The following GPR4 variants were observed in gnomAD, a reference collection of about 807,000 sequenced individuals.
GPR4 encodes G protein-coupled receptor 4.
A neutral mutation model predicts 17.8 loss-of-function variants in GPR4; 11 were observed. That is an observed-to-expected ratio of 0.62 (90% CI 0.39 to 1.02). The LOEUF is 1.02. Among genes scored for constraint, GPR4 ranks in the 50% least tolerant of loss-of-function variants. GPR4 has a pLI of 0.00. For missense variants in GPR4, 364 were observed against 495.4 expected, an observed-to-expected ratio of 0.73 and a Z score of 2.52; for synonymous variants, 219 against 222.8, an observed-to-expected ratio of 0.98 and a Z score of 0.15.
chr19:45,591,361 A>G lies in GPR4; in HGVS notation c.506T>C (p.Phe169Ser). Reference sequence around the variant, plus strand: ...CCAGCCTTCCATGGGGAACTTCTCAAAGCAGAAGGTGTGGTTGTAGCGGTC... The same window carrying G: ...CCAGCCTTCCATGGGGAACTTCTCAGAGCAGAAGGTGTGGTTGTAGCGGTC... ...FRDRYNHTFC[F>S]EKFPMEGWVA... The change falls in exon 2 of 2, where the codon TTT (phenylalanine) becomes TCT (serine). Residue 169 changes from phenylalanine to serine, a missense_variant. Around this residue, in one of 3 missense-constraint regions of GPR4, gnomAD observed 271 missense variants for 373.1 expected, o/e 0.73. Transcript: ENST00000323040. The surrounding 1 kb of genome is among the most constrained non-coding windows in gnomAD (Gnocchi z 7.6). The G allele has an allele frequency of 6.2e-7, 1 of 1,613,372 alleles. No homozygotes were observed. The highest frequency in any genetic ancestry group is 8.5e-7 in the Non-Finnish European group (1 of 1,179,910).
intron 1 of GPR4, among the ~76,000 whole-genome samples, chr19:45,599,074 G>C (rs1400736823): frequency 6.6e-6 from 1 of 152,124 alleles, no homozygotes; most frequent in Non-Finnish European, 1.5e-5. Flanking sequence ...ACATCCACAA[G>C]AAGCTCCCCC....
At position 45,591,153 on chromosome 19, in the gene GPR4, C is replaced by T; in HGVS notation, c.714G>A (p.Ala238=). The part of the protein sequence containing the change: ...SLIAIVLVCF[A]PYHVLLLSRS... ...GGGACAGCAAGAGCACGTGATAGGGCGCAAAGCAGACCAGCACGATGGCGA... is the reference window on the plus strand; with the variant it reads ...GGGACAGCAAGAGCACGTGATAGGGTGCAAAGCAGACCAGCACGATGGCGA... The change falls in exon 2 of 2, where the codon GCG becomes GCA. Residue 238 remains alanine (A), a synonymous_variant. Coordinates refer to ENST00000323040, the MANE Select transcript of GPR4 (RefSeq NM_005282.3). The surrounding 1 kb of genome is among the most constrained non-coding windows in gnomAD (Gnocchi z 7.6). The T allele has an allele frequency of 1.9e-6, 3 of 1,613,690 alleles. No individual in the cohort carries two copies. The highest frequency in any genetic ancestry group is 1.7e-6 in the Non-Finnish European group (2 of 1,179,996).
At chr19:45,597,744 T>C (rs1319243498) in intron 1 of GPR4, among the ~76,000 whole-genome samples, 2 of 151,520 alleles carry the variant, frequency 1.3e-5, no homozygotes, top group Non-Finnish European at 1.5e-5. Context: ...AACAAGGGCA[T>C]GGGGAGGAGG....
chr19:45,592,540 G>C lies in GPR4; in HGVS notation c.-674C>G, dbSNP rs995044783. 5.4e-5 allele frequency: 9 copies of C among 167,370 alleles called. No individual in the cohort carries two copies. The highest frequency in any genetic ancestry group is 3.1e-3 in the Middle Eastern group (1 of 318). 10.4% of individuals were successfully genotyped at this position (167,370 alleles called of 1,614,324 possible). Reference sequence around the variant, plus strand: ...GGCTCGGTCTGTGGACGGCAGGAAGGAGTCTTAGGAAACAGGAAGGAGGTG... The same window carrying C: ...GGCTCGGTCTGTGGACGGCAGGAAGCAGTCTTAGGAAACAGGAAGGAGGTG... On this transcript the variant is annotated 5_prime_UTR_variant, in exon 2 of 2. Coordinates refer to ENST00000323040, the MANE Select transcript of GPR4 (RefSeq NM_005282.3).
At chr19:45,600,071 C>G (rs977192798) in intron 1 of GPR4, among the ~76,000 whole-genome samples, 2 of 152,144 alleles carry the variant, frequency 1.3e-5, no homozygotes, top group African/African-American at 4.8e-5. Context: ...TTTGAACATT[C>G]CAGCAGCCTG....
chr19:45,600,467 A>T (rs77825238), intron 1 of GPR4, among the ~76,000 whole-genome samples: 5,172 of 152,084 alleles, frequency 0.034, 291 homozygotes, highest in African/African-American at 0.12. Context: ...TGGTTTTGGA[A>T]ATATTTTCTC....
Position 45,590,858 on chromosome 19 carries a change from C to G in GPR4, c.1009G>C (p.Ala337Pro), listed in dbSNP as rs759269013. The G allele has an allele frequency of 6.2e-7, 1 of 1,613,744 alleles. No individual in the cohort carries two copies. Among genetic ancestry groups the G allele is most frequent in the South Asian group, 1.1e-5 (1 of 91,030 alleles). The change falls in exon 2 of 2, where the codon GCC becomes CCC. Residue 337 changes from alanine to proline, a missense_variant. By Grantham distance (27) the Ala-to-Pro change is conservative. Transcript: ENST00000323040. ...GTGGCCGCCCAGCTGCCAGTCATGG[C>G]TTTGGCTGTGCTGTTCCTCTTGGAG... ...LTSKRNSTAK[A>P]MTGSWAATPP...
At chr19:45,593,492 C>G (rs1360081908) in intron 1 of GPR4, among the ~76,000 whole-genome samples, 3 of 137,558 alleles carry the variant, frequency 2.2e-5, no homozygotes, top group African/African-American at 8.2e-5. Flanking sequence ...GAGTAAAACT[C>G]TGTCTCAAAA....
chr19:45,590,592 A>T lies in GPR4; in HGVS notation c.*186T>A, dbSNP rs1969979100. On this transcript the variant is annotated 3_prime_UTR_variant, in exon 2 of 2. Coordinates refer to ENST00000323040, the MANE Select transcript of GPR4 (RefSeq NM_005282.3). ...CTTCAGGAGGCCCTCCACAATCGCC[A>T]AACTGTGATGGGATCTGGGAGCACA... 4.6e-6 allele frequency: 3 copies of T among 658,258 alleles called. No homozygotes were observed. The highest frequency in any genetic ancestry group is 7.2e-6 in the Non-Finnish European group (3 of 415,698). 40.8% of individuals were successfully genotyped at this position (658,258 alleles called of 1,614,324 possible).
Position 45,591,498 on chromosome 19 carries a change from G to A in GPR4, c.369C>T (p.Leu123=). Residue 123 remains leucine, a synonymous_variant, in exon 2 of 2, where the codon CTC becomes CTT. Coordinates refer to ENST00000323040, the MANE Select transcript of GPR4 (RefSeq NM_005282.3). This position sits in a 1 kb window ranked among gnomAD's most constrained non-coding sequence, Gnocchi z 7.6. The part of the protein sequence containing the change: ...VDRYLAVAHP[L]RFARLRRVKT... ...TGACGCGGCGCAGGCGGGCGAAGCG[G>A]AGTGGGTGGGCCACAGCCAGGTAGC... is the stretch of plus-strand genomic sequence containing the variant. 6.2e-7 allele frequency: 1 copy of A among 1,612,290 alleles called. No homozygotes were observed. Among genetic ancestry groups the A allele is most frequent in the Non-Finnish European group, 8.5e-7 (1 of 1,179,256 alleles).
chr19:45,596,948 G>A (rs966688011), intron 1 of GPR4, among the ~76,000 whole-genome samples: 1 of 152,212 alleles, frequency 6.6e-6, no homozygotes, highest in African/African-American at 2.4e-5. Flanking sequence ...TGTCTGACCT[G>A]CTGGGGCAGC....
intron 1 of GPR4, among the ~76,000 whole-genome samples, chr19:45,601,039 G>A (rs1026133525): frequency 6.6e-6 from 1 of 151,984 alleles, no homozygotes; most frequent in African/African-American, 2.4e-5. Flanking sequence ...CCCCAAACCT[G>A]AAGTCAAGTT....
chr19:45,597,730 C>T (rs923506469), intron 1 of GPR4, among the ~76,000 whole-genome samples: 3 of 152,254 alleles, frequency 2.0e-5, no homozygotes, highest in Admixed American at 2.0e-4. Context: ...CCACCCCAGG[C>T]TCAAACAAGG....
intron 1 of GPR4, among the ~76,000 whole-genome samples, chr19:45,595,384 G>A (rs1970047858): frequency 6.6e-6 from 1 of 152,126 alleles, no homozygotes; most frequent in African/African-American, 2.4e-5. Context: ...CTGCAGAGGA[G>A]TAAGGGAAAG....
Position 45,590,704 on chromosome 19 carries a change from TG to T in GPR4, c.*73del, listed in dbSNP as rs1224266023. ...AACACAGCCCTTTTTCCATACAATTTGCATACACCAGACCAGGAGAGAAGGG... is the reference window on the plus strand; with the variant it reads ...AACACAGCCCTTTTTCCATACAATTTCATACACCAGACCAGGAGAGAAGGG... On this transcript the variant is annotated 3_prime_UTR_variant, in exon 2 of 2. Transcript: ENST00000323040. The T allele has an allele frequency of 1.3e-6, 2 of 1,488,426 alleles. No individual in the cohort carries two copies. The highest frequency in any genetic ancestry group is 4.6e-5 in the Admixed American group (2 of 43,764). The allele number at this position is 1,488,426 out of a possible 1,614,324, so 92.2% of individuals were successfully genotyped here.
rs139403612 is a variant in GPR4 at position 45,597,187 on chromosome 19, G to T, written c.-831-4490C>A. ...GGGTTCAAGTGAGTCTCCTGCCTTGGCTTCCTGAGTAGTTGGGATTACAGG... is the reference window on the plus strand; with the variant it reads ...GGGTTCAAGTGAGTCTCCTGCCTTGTCTTCCTGAGTAGTTGGGATTACAGG... On this transcript the variant is annotated intron_variant, in intron 1 of 1. Transcript: ENST00000323040. Among the ~76,000 whole-genome samples the T allele has an allele frequency of 3.9e-5, 6 of 152,214 alleles. No individual in the cohort carries two copies. In the East Asian group the frequency reaches 1.2e-3, roughly 29 times the overall value.
chr19:45,598,173 T>C (rs953546113), intron 1 of GPR4, among the ~76,000 whole-genome samples: 28 of 152,168 alleles, frequency 1.8e-4, no homozygotes, highest in African/African-American at 6.7e-4. Flanking sequence ...CTCCCTTCTG[T>C]AAAAGGGGGC....
rs1969997302 is a variant in GPR4, at chr19:45,591,660, C to T, written c.207G>A (p.Thr69=). ...GGAAGTAGTCCACCCACAGCGGCAG[C>T]GTGCAGATGTACAGCAGGTCGGCGA... ...LSIADLLYIC[T]LPLWVDYFLH... Residue 69 remains threonine, a synonymous_variant, in exon 2 of 2, where the codon ACG becomes ACA. Coordinates refer to ENST00000323040, the MANE Select transcript of GPR4 (RefSeq NM_005282.3). This position sits in a 1 kb window ranked among gnomAD's most constrained non-coding sequence, Gnocchi z 7.6. 6.2e-7 allele frequency: 1 copy of T among 1,613,844 alleles called. No individual in the cohort carries two copies. The highest frequency in any genetic ancestry group is 8.5e-7 in the Non-Finnish European group (1 of 1,179,898).
intron 1 of GPR4, among the ~76,000 whole-genome samples, chr19:45,594,046 TAAAAAAAAAAA>T (rs1177623997): frequency 2.0e-5 from 1 of 50,310 alleles, no homozygotes; most frequent in African/African-American, 1.4e-4. Context: ...ATGCCTGGCT[TAAAAAAAAAAA>T]AAAAAAATAT....
Sources: gnomAD v4.1 joint callset for allele counts (sites outside exome capture counted in the v4.1 genomes callset) on GRCh38, gnomAD v4.1.1 for gene constraint, gnomAD v4.1.1 regional missense constraint, Gnocchi (gnomAD v3.1) non-coding constraint, MANE v1.5 for transcripts, NCBI Gene and HGNC (gene_info 2026-07-23, HGNC 2026-07-21) for gene names.